The following ANKLE2 variants were observed in gnomAD, a reference collection of about 807,000 sequenced individuals.
ANKLE2 encodes the protein ankyrin repeat and LEM domain containing 2, also known as ankyrin repeat and LEM domain-containing protein 2.
ANKLE2 carries 55 observed loss-of-function variants against 84.2 expected under a neutral mutation model. The observed-to-expected ratio is 0.65, with a 90% confidence interval of 0.53 to 0.82. The LOEUF (loss-of-function observed/expected upper bound fraction) is 0.82, where lower values mean the gene tolerates loss of function less well. Ranked by LOEUF, ANKLE2 falls within the 40% of genes least tolerant of loss-of-function variation. ANKLE2 has a pLI of 0.00. For synonymous variants in ANKLE2, 551 were observed against 486.1 expected (o/e 1.13, Z -1.76); for missense variants, 1,238 against 1,201.9 (o/e 1.03, Z -0.44).
intron 10 of ANKLE2, chr12:132,732,070 C>G (rs61951279): frequency 0.31 from 43,350 of 140,692 alleles, 7,599 homozygotes; most frequent in Non-Finnish European, 0.4. Flanking sequence ...CCGTGTGAAG[C>G]GCTTTGCGTT....
At chr12:132,734,195 A>T in intron 10 of ANKLE2, 190 bp downstream of exon 10, 1 of 652,190 alleles carries the variant, frequency 1.5e-6, no homozygotes, top group Admixed American at 2.8e-5. Context: ...CAGTGAGCCA[A>T]GATTGCGCCA....
chr12:132,747,001 A>G (rs1161648998), intron 5 of ANKLE2, among the ~76,000 whole-genome samples: 1 of 152,190 alleles, frequency 6.6e-6, no homozygotes, highest in African/African-American at 2.4e-5. Flanking sequence ...CCTTTAGAAG[A>G]GCTGTGCCCG....
rs1355759496 is a variant in ANKLE2 at position 132,734,582 on chromosome 12, G to A, written c.1701-7C>T. The A allele has an allele frequency of 1.9e-6, 3 of 1,595,700 alleles. No individual in the cohort carries two copies. The highest frequency in any genetic ancestry group is 1.4e-5 in the African/African-American group (1 of 73,838). Reference sequence around the variant, plus strand: ...CAGCTCATGAGCTAGCTCCCTGTAAGAAACAAAACACAATTAACCAGCTGT... The same window carrying A: ...CAGCTCATGAGCTAGCTCCCTGTAAAAAACAAAACACAATTAACCAGCTGT... On this transcript the variant is annotated splice_polypyrimidine_tract_variant and splice_region_variant and intron_variant, in intron 9 of 12. Transcript: ENST00000357997.
In ANKLE2 at chr12:132,744,460, A is replaced by G. The variant is rs11835850; in HGVS notation, c.1231-1184T>C. ...ACTCATCATGGACCCTGCGGCCTGC[A>G]CTGACACCCCCGCCTCCACTCCCTG... On this transcript the variant is annotated intron_variant, in intron 5 of 12. Coordinates refer to ENST00000357997, the MANE Select transcript of ANKLE2 (RefSeq NM_015114.3). 7.8e-3 allele frequency among the ~76,000 whole-genome samples: 1,182 copies of G among 152,154 alleles called. 21 individuals carry two copies. Among genetic ancestry groups the G allele is most frequent in the African/African-American group, 0.026 (1,064 of 41,510 alleles).
At chr12:132,730,489 G>C (rs191791673) in intron 10 of ANKLE2, 1 of 534,146 alleles carries the variant, frequency 1.9e-6, no homozygotes. Flanking sequence ...CCACCCACAC[G>C]ACTCCCTGGA....
rs1472608466 is a variant in ANKLE2 at position 132,727,437 on chromosome 12, G to A, written c.2622C>T (p.Pro874=). The change falls in exon 13 of 13, where the codon CCC becomes CCT. Residue 874 remains proline, a synonymous_variant. Coordinates refer to ENST00000357997, the MANE Select transcript of ANKLE2 (RefSeq NM_015114.3). ...CYSPSDRQSW[P]SPAVKGRFKS... ...TGAACCTTCCTTTCACCGCGGGACT[G>A]GGCCAACTGCGGAAAGCAAGAAAGA... 3 of 1,554,596 alleles carry A rather than the reference G, an allele frequency of 1.9e-6. No individual in the cohort carries two copies. The highest frequency in any genetic ancestry group is 2.6e-6 in the Non-Finnish European group (3 of 1,149,016).
Position 132,747,884 on chromosome 12 carries a change from T to G in ANKLE2, c.1178A>C (p.Gln393Pro). The change falls in exon 5 of 13, where the codon CAG becomes CCG. Residue 393 changes from glutamine to proline, a missense_variant. By Grantham distance (76) the Gln-to-Pro change is moderately conservative. Transcript: ENST00000357997. ...GTCCACCACGTAACGGATACGCTTC[T>G]GCAGCATGGCCTCGTCGTCATCAGG... is the stretch of plus-strand genomic sequence containing the variant. Reference protein sequence around the residue: ...MYPDDDEAMLQKRIRYVVDLY... With the variant: ...MYPDDDEAMLPKRIRYVVDLY... The G allele has an allele frequency of 6.2e-7, 1 of 1,611,922 alleles. No individual in the cohort carries two copies. The highest frequency in any genetic ancestry group is 8.5e-7 in the Non-Finnish European group (1 of 1,179,518).
At chr12:132,742,828 C>T (rs1481622936) in intron 6 of ANKLE2, among the ~76,000 whole-genome samples, 8 of 1,212 alleles carry the variant, frequency 6.6e-3, no homozygotes, top group Non-Finnish European at 0.017. Context: ...ACCATCACCA[C>T]CTCTGTTCTC....
chr12:132,761,547 C>G, intron 1 of ANKLE2, 71 bp downstream of exon 1: 1 of 1,162,710 alleles, frequency 8.6e-7, no homozygotes, highest in East Asian at 3.4e-5. Flanking sequence ...GCCGGGACCC[C>G]AGGCCCGAGG....
At chr12:132,730,463 A>G (rs1346245806) in intron 10 of ANKLE2, 193 bp from the exon 11 acceptor site, 6 of 577,020 alleles carry the variant, frequency 1.0e-5, no homozygotes, top group African/African-American at 1.9e-5. Context: ...TCCTCATCAG[A>G]TTTCAGGATG....
At chr12:132,747,603 C>T (rs917226188) in intron 5 of ANKLE2, among the ~76,000 whole-genome samples, 2 of 152,154 alleles carry the variant, frequency 1.3e-5, no homozygotes, top group African/African-American at 4.8e-5. Flanking sequence ...CAGACACCCT[C>T]GGGGACAGCA....
chr12:132,736,014 CG>C (rs1246087897), intron 8 of ANKLE2, among the ~76,000 whole-genome samples: 1 of 152,114 alleles, frequency 6.6e-6, no homozygotes, highest in Non-Finnish European at 1.5e-5. Context: ...TGCAGTGGTA[CG>C]ATCTCGGCTC....
chr12:132,758,981 G>C (rs1230082879), intron 1 of ANKLE2: 2 of 142,508 alleles, frequency 1.4e-5, no homozygotes, highest in African/African-American at 5.4e-5. Flanking sequence ...TGGCAGAGAG[G>C]ATCGCTGCGG....
chr12:132,761,720 C>T lies in ANKLE2; in HGVS notation c.79G>A (p.Ala27Thr). ...AGCCGCCGCACCAGCCACCGCACAGCGATCAGCAGCACCGAGGCGCCCAGC... is the reference window on the plus strand; with the variant it reads ...AGCCGCCGCACCAGCCACCGCACAGTGATCAGCAGCACCGAGGCGCCCAGC... ...ELLGASVLLIAVRWLVRRLGP... is the reference protein window; with the variant it reads ...ELLGASVLLITVRWLVRRLGP... The change falls in exon 1 of 13, where the codon GCT becomes ACT. Residue 27 changes from alanine (A) to threonine (T), a missense_variant. By Grantham distance (58) the Ala-to-Thr change is moderately conservative. Around this residue, in one of 3 missense-constraint regions of ANKLE2, gnomAD observed 422 missense variants for 394.5 expected, o/e 1.07. Transcript: ENST00000357997. 1 of 1,343,586 alleles carries T rather than the reference C, an allele frequency of 7.4e-7. No homozygotes were observed. The highest frequency in any genetic ancestry group is 9.6e-7 in the Non-Finnish European group (1 of 1,039,268). The allele number at this position is 1,343,586 out of a possible 1,614,324, so 83.2% of individuals were successfully genotyped here.
chr12:132,739,439 AG>A (rs923780188), intron 7 of ANKLE2, among the ~76,000 whole-genome samples: 2 of 152,200 alleles, frequency 1.3e-5, no homozygotes, highest in African/African-American at 4.8e-5. Flanking sequence ...GTTAATTGGC[AG>A]TTTTTTCCCT....
chr12:132,742,747 T>C (rs1004865222), intron 6 of ANKLE2, among the ~76,000 whole-genome samples: 4 of 322 alleles, frequency 0.012, no homozygotes, highest in Non-Finnish European at 0.02. Context: ...ACCATGATCA[T>C]TGCTATCTCC....
At chr12:132,753,326 A>T (rs2136173872) in intron 2 of ANKLE2, among the ~76,000 whole-genome samples, 1 of 152,170 alleles carries the variant, frequency 6.6e-6, no homozygotes, top group African/African-American at 2.4e-5. Context: ...AGTCTCAAAA[A>T]AAAAAACCAC....
intron 10 of ANKLE2, among the ~76,000 whole-genome samples, chr12:132,732,709 CGTGTG>C (rs2043902374): frequency 3.4e-5 from 1 of 29,316 alleles, no homozygotes; most frequent in Non-Finnish European, 7.5e-5. Flanking sequence ...TGATATGCAC[CGTGTG>C]AAGCTCTCTG....
chr12:132,728,619 C>T (rs1419035913), intron 11 of ANKLE2, among the ~76,000 whole-genome samples: 5 of 152,202 alleles, frequency 3.3e-5, no homozygotes, highest in African/African-American at 4.8e-5. Context: ...ACCAGGGAAC[C>T]AGCAGCAGCA....
Sources: gnomAD v4.1 joint callset for allele counts (sites outside exome capture counted in the v4.1 genomes callset) on GRCh38, gnomAD v4.1.1 for gene constraint, gnomAD v4.1.1 regional missense constraint, MANE v1.5 for transcripts, NCBI Gene and HGNC (gene_info 2026-07-23, HGNC 2026-07-21) for gene names.